Variants in CNTN6 observed in about 807,000 individuals in gnomAD.
CNTN6 encodes the protein contactin 6, also known as contactin-6.
In CNTN6, 137 loss-of-function variants were observed where a neutral mutation model predicts 122.8. The ratio of observed to expected loss-of-function variants is 1.12; its 90% confidence interval spans 0.97 to 1.29. The LOEUF (loss-of-function observed/expected upper bound fraction) is 1.29, where lower values mean the gene tolerates loss of function less well. CNTN6 is among the 50% of genes most tolerant of loss of function. The pLI is 0.00. For synonymous variants in CNTN6, 570 were observed against 426.0 expected, an observed-to-expected ratio of 1.34 and a Z score of -4.16; for missense variants, 1,634 against 1,223.4, an observed-to-expected ratio of 1.34 and a Z score of -5.01.
intron 20 of CNTN6, among the ~76,000 whole-genome samples, chr3:1,392,358 G>C (rs1294702213): frequency 2.0e-5 from 3 of 152,140 alleles, no homozygotes; most frequent in Non-Finnish European, 4.4e-5. Context: ...CCCATATGTA[G>C]AAAGCTGAAA....
intron 7 of CNTN6, among the ~76,000 whole-genome samples, chr3:1,320,093 C>T (rs1700642971): frequency 6.6e-6 from 1 of 151,500 alleles, no homozygotes; most frequent in African/African-American, 2.4e-5. Context: ...TAATTGTTGC[C>T]ATGAATATAC....
At chr3:1,264,106 A>G (rs1263045948) in intron 4 of CNTN6, among the ~76,000 whole-genome samples, 1 of 152,132 alleles carries the variant, frequency 6.6e-6, no homozygotes, top group Non-Finnish European at 1.5e-5. Flanking sequence ...ACAGGGCCAT[A>G]TCATATGGGG....
intron 20 of CNTN6, among the ~76,000 whole-genome samples, chr3:1,387,077 G>A (rs548635076): frequency 6.6e-6 from 1 of 152,068 alleles, no homozygotes; most frequent in South Asian, 2.1e-4. Context: ...ATAGGACAAG[G>A]CATTCCATTT....
At chr3:1,289,818 G>GCA (rs1694992793) in intron 5 of CNTN6, among the ~76,000 whole-genome samples, 1 of 151,912 alleles carries the variant, frequency 6.6e-6, no homozygotes, top group African/African-American at 2.4e-5. Flanking sequence ...GGGACTACAG[G>GCA]TGCCCAACAC....
At chr3:1,236,863 A>G (rs3968872) in intron 4 of CNTN6, among the ~76,000 whole-genome samples, 45,908 of 151,850 alleles carry the variant, frequency 0.3, 7,176 homozygotes, top group East Asian at 0.43. Context: ...GGTGGATCAC[A>G]AGGTCAGGAG....
chr3:1,117,020 C>A (rs1559343796), intron 1 of CNTN6, among the ~76,000 whole-genome samples: 1 of 152,008 alleles, frequency 6.6e-6, no homozygotes, highest in Non-Finnish European at 1.5e-5. Flanking sequence ...CGGGGAATGC[C>A]AAGTCATGAA....
intron 2 of CNTN6, among the ~76,000 whole-genome samples, chr3:1,174,074 T>C (rs1180677167): frequency 6.6e-6 from 1 of 152,210 alleles, no homozygotes; most frequent in East Asian, 1.9e-4. Context: ...CATTCAAATA[T>C]CTTCATAGTG....
Position 1,147,929 on chromosome 3 carries a change from T to C in CNTN6, c.-80T>C. Reference sequence around the variant, plus strand: ...CATGACAATTTTGTCTTTTTCAGACTCTTGAGATACTGACTGGAAGATAGA... The same window carrying C: ...CATGACAATTTTGTCTTTTTCAGACCCTTGAGATACTGACTGGAAGATAGA... On this transcript the variant is annotated splice_region_variant and 5_prime_UTR_variant, in exon 2 of 23. Transcript: ENST00000446702. 1 of 973,148 alleles carries C rather than the reference T, an allele frequency of 1.0e-6. No homozygotes were observed. The highest frequency in any genetic ancestry group is 1.6e-6 in the Non-Finnish European group (1 of 616,300). 60.3% of individuals were successfully genotyped at this position (973,148 alleles called of 1,614,324 possible). A position where few individuals can be genotyped will look rare whatever the true frequency, so the allele number is the denominator to read the frequency against.
chr3:1,220,879 A>G (rs1329833833), intron 3 of CNTN6, 66 bp downstream of exon 3: 1 of 1,483,010 alleles, frequency 6.7e-7, no homozygotes, highest in Non-Finnish European at 9.0e-7. Flanking sequence ...CATACACAAA[A>G]TAAAGTGTTT....
intron 4 of CNTN6, among the ~76,000 whole-genome samples, chr3:1,261,983 G>A (rs540947951): frequency 6.6e-6 from 1 of 152,172 alleles, no homozygotes; most frequent in South Asian, 2.1e-4. Flanking sequence ...CTGGATATGC[G>A]ACTGGACTGC....
At chr3:1,294,313 T>G (rs191250861) in intron 5 of CNTN6, among the ~76,000 whole-genome samples, 1 of 152,296 alleles carries the variant, frequency 6.6e-6, no homozygotes, top group East Asian at 1.9e-4. Context: ...AGGTGAACCT[T>G]AAAATTATGT....
At chr3:1,388,017 G>C (rs1206812618) in intron 20 of CNTN6, among the ~76,000 whole-genome samples, 2 of 152,170 alleles carry the variant, frequency 1.3e-5, no homozygotes, top group East Asian at 3.9e-4. Context: ...GCTTGATTAG[G>C]TAAACAAAGC....
intron 2 of CNTN6, among the ~76,000 whole-genome samples, chr3:1,169,228 G>C (rs1241796887): frequency 1.3e-5 from 2 of 152,190 alleles, no homozygotes; most frequent in African/African-American, 4.8e-5. Context: ...TTTAGCCTAA[G>C]AGGCCTCCAG....
chr3:1,367,384 C>T (rs975180140), intron 12 of CNTN6, among the ~76,000 whole-genome samples: 4 of 151,820 alleles, frequency 2.6e-5, no homozygotes, highest in African/African-American at 9.7e-5. Context: ...GAATATATTT[C>T]TTAGCGTGAC....
At chr3:1,272,531 G>GA (rs3836240) in intron 4 of CNTN6, among the ~76,000 whole-genome samples, 5 of 152,092 alleles carry the variant, frequency 3.3e-5, no homozygotes, top group African/African-American at 4.8e-5. Flanking sequence ...TAGTAAATGG[G>GA]AAAAAATATA....
chr3:1,325,905 A>G lies in CNTN6; in HGVS notation c.1037A>G (p.Asn346Ser). 2 of 1,611,790 alleles carry G rather than the reference A, an allele frequency of 1.2e-6. No individual in the cohort carries two copies. The highest frequency in any genetic ancestry group is 1.7e-6 in the Non-Finnish European group (2 of 1,178,636). The change falls in exon 9 of 23, where the codon AAC becomes AGC. Residue 346 changes from asparagine to serine, a missense_variant. Physicochemically the swap from Asn to Ser is conservative, Grantham distance 46. Transcript: ENST00000446702. ...GAATGTAAAGCTAGTGGAAAGCCAA[A>G]CCCTTGGTATACATGGTTAAAAAAT... ...LWECKASGKP[N>S]PWYTWLKNGE... is the part of the protein sequence containing the mutation.
intron 4 of CNTN6, among the ~76,000 whole-genome samples, chr3:1,261,411 G>A (rs2094844242): frequency 6.6e-6 from 1 of 152,086 alleles, no homozygotes; most frequent in Non-Finnish European, 1.5e-5. Context: ...GCCCCCTACA[G>A]CTATCAAGCA....
At chr3:1,354,023 G>C (rs1276243248) in intron 12 of CNTN6, among the ~76,000 whole-genome samples, 2 of 151,376 alleles carry the variant, frequency 1.3e-5, no homozygotes, top group African/African-American at 4.8e-5. Flanking sequence ...ACAAGTTAAT[G>C]GTAGATTGAA....
chr3:1,278,335 AC>A, intron 4 of CNTN6, 77 bp from the exon 5 acceptor site: 1 of 1,042,492 alleles, frequency 9.6e-7, no homozygotes, highest in Non-Finnish European at 1.4e-6. Context: ...AATAATAAAA[AC>A]ATTCTTGAGA....
Sources: gnomAD v4.1 joint callset for allele counts (sites outside exome capture counted in the v4.1 genomes callset) on GRCh38, gnomAD v4.1.1 for gene constraint, MANE v1.5 for transcripts, NCBI Gene and HGNC (gene_info 2026-07-23, HGNC 2026-07-21) for gene names.